Variants in SGMS1 observed in about 807,000 individuals in gnomAD.
SGMS1 encodes sphingomyelin synthase 1, also known as phosphatidylcholine:ceramide cholinephosphotransferase 1.
SGMS1 carries 13 observed loss-of-function variants against 46.2 expected under a neutral mutation model. The observed-to-expected ratio is 0.28, with a 90% CI of 0.18 to 0.45. The LOEUF (loss-of-function observed/expected upper bound fraction) is 0.45, where lower values mean the gene tolerates loss of function less well. SGMS1 is among the 20% of genes least tolerant of loss of function. The pLI, the probability that SGMS1 is intolerant of heterozygous loss-of-function variation, is 1.00. For missense variants in SGMS1, 324 were observed against 519.9 expected, an observed-to-expected ratio of 0.62 and a Z score of 3.66; for synonymous variants, 203 against 187.8, an observed-to-expected ratio of 1.08 and a Z score of -0.66.
In SGMS1 at chr10:50,519,909, G is replaced by T. The variant is rs903933058; in HGVS notation, c.-576C>A. On this transcript the variant is annotated 5_prime_UTR_variant, in exon 3 of 11. Coordinates refer to ENST00000361781, the MANE Select transcript of SGMS1 (RefSeq NM_147156.4). ...TCAAAAAGTCCACACTCCTTCAGTC[G>T]CTGAAGCTTTACCTGGAATAATAAG... The T allele has an allele frequency of 6.6e-6, 1 of 152,264 alleles. No homozygotes were observed. The highest frequency in any genetic ancestry group is 1.5e-5 in the Non-Finnish European group (1 of 68,036). The allele number at this position is 152,264 out of a possible 1,614,324, so 9.4% of individuals were successfully genotyped here.
At chr10:50,562,566 C>T (rs996554678) in intron 2 of SGMS1, among the ~76,000 whole-genome samples, 3 of 152,048 alleles carry the variant, frequency 2.0e-5, no homozygotes, top group Non-Finnish European at 2.9e-5. Context: ...TTTTTTGAGA[C>T]GGAGTCTCGC....
At chr10:50,310,958 C>T (rs1847243218) in intron 9 of SGMS1, among the ~76,000 whole-genome samples, 1 of 152,218 alleles carries the variant, frequency 6.6e-6, no homozygotes. Context: ...TTGAGATTTC[C>T]ATCTGGCTCC....
chr10:50,595,976 A>T (rs1716867457), intron 1 of SGMS1, among the ~76,000 whole-genome samples: 1 of 152,330 alleles, frequency 6.6e-6, no homozygotes, highest in East Asian at 1.9e-4. Flanking sequence ...TGTGAGGATT[A>T]GAGAGACTAA....
intron 2 of SGMS1, among the ~76,000 whole-genome samples, chr10:50,553,532 A>G (rs922905260): frequency 6.6e-6 from 1 of 152,074 alleles, no homozygotes; most frequent in African/African-American, 2.4e-5. Context: ...CCCAAGCTAC[A>G]TCTCATCATA....
chr10:50,566,343 ACCT>A (rs2131849352), intron 2 of SGMS1, among the ~76,000 whole-genome samples: 1 of 151,850 alleles, frequency 6.6e-6, no homozygotes, highest in African/African-American at 2.4e-5. Flanking sequence ...TTGCTGACAA[ACCT>A]CCTTTGTTTG....
intron 2 of SGMS1, among the ~76,000 whole-genome samples, chr10:50,549,512 G>C (rs1838130764): frequency 6.6e-6 from 1 of 152,118 alleles, no homozygotes; most frequent in Non-Finnish European, 1.5e-5. Context: ...GGACACAGGA[G>C]GGGAACAACA....
chr10:50,588,629 A>G (rs539587066), intron 2 of SGMS1, among the ~76,000 whole-genome samples: 7 of 152,176 alleles, frequency 4.6e-5, no homozygotes, highest in African/African-American at 1.7e-4. Context: ...ACTTCACAGT[A>G]CCAGTCATAT....
intron 6 of SGMS1, among the ~76,000 whole-genome samples, chr10:50,407,602 G>A (rs1448961540): frequency 3.3e-5 from 5 of 151,876 alleles, no homozygotes; most frequent in Non-Finnish European, 4.4e-5. Context: ...ACCTGTGGAA[G>A]TAACTTTACC....
chr10:50,578,401 G>A (rs1185023162), intron 2 of SGMS1, among the ~76,000 whole-genome samples: 1 of 152,116 alleles, frequency 6.6e-6, no homozygotes, highest in Non-Finnish European at 1.5e-5. Flanking sequence ...AGGATTATAT[G>A]CTTACCCTTG....
chr10:50,554,282 CAA>C (rs1838172341), intron 2 of SGMS1, among the ~76,000 whole-genome samples: 1 of 152,158 alleles, frequency 6.6e-6, no homozygotes, highest in Non-Finnish European at 1.5e-5. Flanking sequence ...TAAATACACA[CAA>C]AAACCCGTTC....
At chr10:50,330,895 T>C (rs1352360460) in intron 7 of SGMS1, among the ~76,000 whole-genome samples, 1 of 152,194 alleles carries the variant, frequency 6.6e-6, no homozygotes, top group Non-Finnish European at 1.5e-5. Flanking sequence ...ACATAGATGC[T>C]AGTTTTACCT....
At chr10:50,603,026 G>T (rs1294786060) in intron 1 of SGMS1, among the ~76,000 whole-genome samples, 1 of 152,208 alleles carries the variant, frequency 6.6e-6, no homozygotes, top group Admixed American at 6.5e-5. Context: ...GCCAGTCTAG[G>T]CTGTCTTCAT....
chr10:50,331,281 C>G (rs111297121), intron 7 of SGMS1, among the ~76,000 whole-genome samples: 24 of 152,186 alleles, frequency 1.6e-4, no homozygotes, highest in African/African-American at 5.1e-4. Flanking sequence ...TGGATATGAT[C>G]CTTATTTTAC....
chr10:50,429,370 A>G (rs1849369423), intron 6 of SGMS1, among the ~76,000 whole-genome samples: 1 of 152,180 alleles, frequency 6.6e-6, no homozygotes, highest in Non-Finnish European at 1.5e-5. Flanking sequence ...GCAGCCTAGG[A>G]GCCACAGCCT....
At chr10:50,452,021 G>A (rs1837117034) in intron 5 of SGMS1, among the ~76,000 whole-genome samples, 1 of 152,026 alleles carries the variant, frequency 6.6e-6, no homozygotes, top group Admixed American at 6.5e-5. Context: ...ATGGACCCAT[G>A]GCAGATATCA....
intron 6 of SGMS1, among the ~76,000 whole-genome samples, chr10:50,353,895 C>A (rs1413242946): frequency 6.6e-6 from 1 of 152,094 alleles, no homozygotes; most frequent in Non-Finnish European, 1.5e-5. Context: ...ATGTGAAGGA[C>A]CTCTTCAAGG....
chr10:50,370,723 G>A (rs1848422336), intron 6 of SGMS1, among the ~76,000 whole-genome samples: 2 of 146,262 alleles, frequency 1.4e-5, no homozygotes, highest in South Asian at 2.2e-4. Context: ...TCTGGCGACA[G>A]AGCGAGACTC....
At chr10:50,372,681 A>C (rs1848458450) in intron 6 of SGMS1, among the ~76,000 whole-genome samples, 1 of 152,212 alleles carries the variant, frequency 6.6e-6, no homozygotes, top group Admixed American at 6.5e-5. Flanking sequence ...TGACAGAGCA[A>C]GACTCTGTCT....
At chr10:50,438,089 A>C (rs912634904) in intron 5 of SGMS1, among the ~76,000 whole-genome samples, 3 of 152,234 alleles carry the variant, frequency 2.0e-5, no homozygotes, top group African/African-American at 4.8e-5. Context: ...AAGTAGGAGA[A>C]TGGACAGAGA....
Sources: gnomAD v4.1 joint callset for allele counts (sites outside exome capture counted in the v4.1 genomes callset) on GRCh38, gnomAD v4.1.1 for gene constraint, MANE v1.5 for transcripts, NCBI Gene and HGNC (gene_info 2026-07-23, HGNC 2026-07-21) for gene names.